Variants in NRG1 observed in about 807,000 individuals in gnomAD.
The protein encoded by NRG1 is pro-neuregulin-1, membrane-bound isoform.
A neutral mutation model predicts 63.8 loss-of-function variants in NRG1; 18 were observed. That is an observed-to-expected ratio of 0.28 (90% CI 0.19 to 0.42). The LOEUF (loss-of-function observed/expected upper bound fraction) is 0.42. Ranked by LOEUF, NRG1 falls within the 10% of genes least tolerant of loss-of-function variation. The probability of loss-of-function intolerance (pLI) is 1.00; values close to 1 mark genes in which losing one functional copy is unlikely to be tolerated. For synonymous variants in NRG1, 302 were observed against 301.3 expected, an observed-to-expected ratio of 1.00 and a Z score of -0.02; for missense variants, 762 against 814.7, an observed-to-expected ratio of 0.94 and a Z score of 0.79.
intron 6 of NRG1, 80 bp downstream of exon 6, chr8:32,728,158 G>T: frequency 1.3e-6 from 2 of 1,568,558 alleles, no homozygotes; most frequent in Non-Finnish European, 8.6e-7. Flanking sequence ...ATGTATTGTT[G>T]CTTTTTTTCC....
intron 3 of NRG1, among the ~76,000 whole-genome samples, chr8:32,611,164 T>C (rs1197209397): frequency 5.3e-5 from 8 of 152,100 alleles, no homozygotes; most frequent in Non-Finnish European, 2.9e-5. Flanking sequence ...CTAAGTTTTC[T>C]TTTTTAATCA....
chr8:32,209,046 C>T (rs1844382398), intron 1 of NRG1, among the ~76,000 whole-genome samples: 1 of 152,088 alleles, frequency 6.6e-6, no homozygotes, highest in East Asian at 1.9e-4. Context: ...CTGTCTCTGC[C>T]ATTTACTAGC....
intron 1 of NRG1, among the ~76,000 whole-genome samples, chr8:31,783,678 A>G (rs1190609237): frequency 1.3e-5 from 2 of 151,668 alleles, no homozygotes; most frequent in East Asian, 1.9e-4. Context: ...ACTTACCCCC[A>G]GGTGGATGTT....
At chr8:32,725,076 C>A (rs573957608) in intron 5 of NRG1, among the ~76,000 whole-genome samples, 1 of 152,140 alleles carries the variant, frequency 6.6e-6, no homozygotes, top group African/African-American at 2.4e-5. Flanking sequence ...AGAGATGTGT[C>A]TATGTGTTGC....
intron 1 of NRG1, among the ~76,000 whole-genome samples, chr8:31,947,944 CAAAAAAAAAAAAAA>C (rs55953491): frequency 3.0e-5 from 1 of 32,958 alleles, no homozygotes; most frequent in Non-Finnish European, 6.2e-5. Flanking sequence ...GACTCCATCT[CAAAAAAAAAAAAAA>C]AAAAAAAAAA....
chr8:32,489,388 T>G (rs1302186500), intron 1 of NRG1, among the ~76,000 whole-genome samples: 1 of 152,164 alleles, frequency 6.6e-6, no homozygotes, highest in Non-Finnish European at 1.5e-5. Flanking sequence ...TTTCAGATTT[T>G]TCCTATTTAT....
chr8:31,956,354 G>T (rs1371076595), intron 1 of NRG1, among the ~76,000 whole-genome samples: 7 of 152,114 alleles, frequency 4.6e-5, no homozygotes, highest in Admixed American at 6.5e-5. Context: ...TCTAGGTTGG[G>T]TGCGGTAAAT....
intron 5 of NRG1, among the ~76,000 whole-genome samples, chr8:32,618,992 T>A (rs963028375): frequency 6.6e-6 from 1 of 152,096 alleles, no homozygotes; most frequent in Non-Finnish European, 1.5e-5. Context: ...GCGGGAAGAT[T>A]GCTTGAGCCC....
Position 32,191,739 on chromosome 8 carries a change from C to A in NRG1, c.38-404089C>A, listed in dbSNP as rs146477007. Among the ~76,000 whole-genome samples, 461 of 152,202 alleles carry A rather than the reference C, an allele frequency of 3.0e-3. 7 individuals are homozygous for A. Among genetic ancestry groups the A allele is most frequent in the African/African-American group, 0.011 (444 of 41,536 alleles). On this transcript the variant is annotated intron_variant, in intron 1 of 10. Transcript: ENST00000519301. The stretch of plus-strand genomic sequence containing the variant: ...GTATGGCCTGGTAACAAAGCATTAC[C>A]CTTTCTGTTGCACACTGCTGCCCAT...
At chr8:32,605,131 A>T (rs1449169367) in intron 2 of NRG1, among the ~76,000 whole-genome samples, 3 of 152,208 alleles carry the variant, frequency 2.0e-5, no homozygotes, top group African/African-American at 7.2e-5. Context: ...TCTAACCTTC[A>T]GTAAGTGTCC....
chr8:31,987,906 G>A (rs1228132318), intron 1 of NRG1, among the ~76,000 whole-genome samples: 1 of 152,054 alleles, frequency 6.6e-6, no homozygotes, highest in Non-Finnish European at 1.5e-5. Flanking sequence ...ATAGGTTAAG[G>A]CATCAAGAGA....
At chr8:31,734,879 C>A (rs767943071) in intron 1 of NRG1, among the ~76,000 whole-genome samples, 4 of 152,148 alleles carry the variant, frequency 2.6e-5, no homozygotes, top group African/African-American at 4.8e-5. Context: ...GTTTGTATTA[C>A]CCTCCCTCTT....
At chr8:32,142,429 A>G (rs560160785) in intron 1 of NRG1, among the ~76,000 whole-genome samples, 20 of 152,272 alleles carry the variant, frequency 1.3e-4, no homozygotes, top group Admixed American at 2.0e-4. Context: ...GCTTTGGAAA[A>G]TCAATATTCG....
chr8:32,576,778 C>A (rs553699321), intron 1 of NRG1, among the ~76,000 whole-genome samples: 1 of 151,166 alleles, frequency 6.6e-6, no homozygotes, highest in Non-Finnish European at 1.5e-5. Flanking sequence ...AAAATAATTT[C>A]GACTTATATT....
intron 6 of NRG1, among the ~76,000 whole-genome samples, chr8:32,728,909 C>CA (rs562044595): frequency 0.01 from 1,554 of 150,336 alleles, 22 homozygotes; most frequent in African/African-American, 0.035. Context: ...ACTAAAAATG[C>CA]AAAAAAAAAT....
Position 32,630,736 on chromosome 8 carries a change from T to G in NRG1, c.502+13851T>G, listed in dbSNP as rs1463218504. Among the ~76,000 whole-genome samples the G allele has an allele frequency of 2.0e-5, 3 of 152,072 alleles. No homozygotes were observed. The East Asian group carries it at 5.8e-4, about 29-fold the overall frequency. ...TATTTTGTCAGATTTTAGGTTTTTT[T>G]TTTTTTTTCAGGCAAGATGGCATTC... On this transcript the variant is annotated intron_variant, in intron 5 of 11. Transcript: ENST00000356819.
chr8:32,640,213 GAT>G (rs1852076810), intron 5 of NRG1, among the ~76,000 whole-genome samples: 1 of 150,922 alleles, frequency 6.6e-6, no homozygotes, highest in Admixed American at 6.6e-5. Flanking sequence ...TCTGCATAAA[GAT>G]AATGTTTCTT....
intron 1 of NRG1, among the ~76,000 whole-genome samples, chr8:32,216,184 TTTA>T (rs1177395485): frequency 6.7e-6 from 1 of 149,468 alleles, no homozygotes; most frequent in Non-Finnish European, 1.5e-5. Context: ...AGTTATACAT[TTTA>T]TTGTGTTATT....
intron 1 of NRG1, among the ~76,000 whole-genome samples, chr8:32,162,514 C>T (rs1316698309): frequency 1.3e-5 from 2 of 152,006 alleles, no homozygotes; most frequent in Non-Finnish European, 2.9e-5. Flanking sequence ...ATAAAAACCT[C>T]TAAGAACAAA....
Sources: gnomAD v4.1 joint callset for allele counts (sites outside exome capture counted in the v4.1 genomes callset) on GRCh38, gnomAD v4.1.1 for gene constraint, MANE v1.5 for transcripts, NCBI Gene and HGNC (gene_info 2026-07-23, HGNC 2026-07-21) for gene names.